Variants in DNAI7 observed in about 807,000 individuals in gnomAD.
DNAI7 encodes the protein cancer susceptibility 1.
Under a neutral mutation model 86.6 loss-of-function variants are expected in DNAI7, and 78 were observed. The observed-to-expected ratio is 0.90, with a 90% CI of 0.75 to 1.09. DNAI7 has a LOEUF of 1.09. Among genes scored for constraint, DNAI7 ranks in the 50% least tolerant of loss-of-function variants. The probability of loss-of-function intolerance (pLI) is 0.00; values close to 1 mark genes in which losing one functional copy is unlikely to be tolerated. For synonymous variants in DNAI7, 274 were observed against 273.0 expected, an observed-to-expected ratio of 1.00 and a Z score of -0.04; for missense variants, 753 against 810.2, an observed-to-expected ratio of 0.93 and a Z score of 0.86.
intron 2 of DNAI7, among the ~76,000 whole-genome samples, chr12:25,185,108 A>C (rs1303977903): frequency 6.6e-6 from 1 of 152,194 alleles, no homozygotes; most frequent in African/African-American, 2.4e-5. Context: ...ACTGTACTCC[A>C]GCCTGGGTGA....
intron 6 of DNAI7, among the ~76,000 whole-genome samples, chr12:25,153,576 T>C (rs1392974926): frequency 6.6e-6 from 1 of 152,218 alleles, no homozygotes; most frequent in African/African-American, 2.4e-5. Flanking sequence ...CTCCCAGCCA[T>C]ACAGGAGTCT....
At chr12:25,187,289 C>T (rs1950118631) in intron 2 of DNAI7, among the ~76,000 whole-genome samples, 1 of 152,124 alleles carries the variant, frequency 6.6e-6, no homozygotes, top group South Asian at 2.1e-4. Context: ...TATACTCATT[C>T]CCCCAGGTAA....
chr12:25,124,683 G>A (rs1941854549), intron 9 of DNAI7, among the ~76,000 whole-genome samples: 1 of 152,082 alleles, frequency 6.6e-6, no homozygotes, highest in South Asian at 2.1e-4. Flanking sequence ...GCAAACTCAG[G>A]TCACAGGGGT....
intron 6 of DNAI7, among the ~76,000 whole-genome samples, chr12:25,153,956 A>G (rs1014457968): frequency 6.6e-6 from 1 of 152,184 alleles, no homozygotes; most frequent in Non-Finnish European, 1.5e-5. Context: ...CCTGGCACCT[A>G]GTAAACATGA....
chr12:25,134,698 C>G (rs1943338351), intron 9 of DNAI7, among the ~76,000 whole-genome samples: 3 of 152,068 alleles, frequency 2.0e-5, no homozygotes, highest in Non-Finnish European at 4.4e-5. Context: ...TCATCATTTG[C>G]ATATCTTTAT....
At chr12:25,107,834 C>T (rs1949311262), downstream of DNAI7, 2 of 1,613,504 alleles carry the variant, frequency 1.2e-6, no homozygotes, top group Non-Finnish European at 1.7e-6. Flanking sequence ...ACAATAGCTT[C>T]CTGGGCAACA....
chr12:25,186,992 TC>T (rs972964628), intron 2 of DNAI7, among the ~76,000 whole-genome samples: 2 of 152,154 alleles, frequency 1.3e-5, no homozygotes, highest in African/African-American at 4.8e-5. Flanking sequence ...TACCCTTGTG[TC>T]CCCCTACAGT....
chr12:25,110,138 C>G lies in DNAI7; in HGVS notation c.1882G>C (p.Val628Leu), dbSNP rs1949689583. ...TCTACATATCATACCTTAAATACGA[C>G]TTTTGTAGAATTACATAGTAGGTTC... The part of the protein sequence containing the change: ...KWNLLCNSTK[V>L]VFKVREHLTE... Residue 628 changes from valine to leucine, a missense_variant, in exon 15 of 16, where the codon GTC (valine) becomes CTC (leucine). Transcript: ENST00000395987. 1.3e-6 allele frequency: 2 copies of G among 1,583,190 alleles called. No individual in the cohort carries two copies. The highest frequency in any genetic ancestry group is 1.7e-6 in the Non-Finnish European group (2 of 1,152,410).
chr12:25,177,327 C>A (rs1949068948), intron 2 of DNAI7, among the ~76,000 whole-genome samples: 1 of 152,176 alleles, frequency 6.6e-6, no homozygotes, highest in South Asian at 2.1e-4. Context: ...TACCATTAAA[C>A]AATAGCTCCC....
chr12:25,112,876 G>C (rs955887908), intron 13 of DNAI7, among the ~76,000 whole-genome samples: 28 of 152,028 alleles, frequency 1.8e-4, no homozygotes, highest in African/African-American at 6.3e-4. Context: ...TGCTAATTTG[G>C]ACTAGTCACA....
intron 1 of DNAI7, 76 bp from the exon 2 acceptor site, chr12:25,190,707 T>C (rs889771160): frequency 3.7e-6 from 3 of 819,914 alleles, no homozygotes; most frequent in Admixed American, 5.5e-5. Flanking sequence ...TTATGTAAGA[T>C]GTTAAAATTA....
At chr12:25,187,604 A>T (rs1488981802) in intron 2 of DNAI7, among the ~76,000 whole-genome samples, 1 of 152,178 alleles carries the variant, frequency 6.6e-6, no homozygotes, top group Non-Finnish European at 1.5e-5. Flanking sequence ...ATATATAAGG[A>T]TCTTCATTCC....
At chr12:25,181,959 A>G (rs1056869407) in intron 2 of DNAI7, among the ~76,000 whole-genome samples, 1 of 152,218 alleles carries the variant, frequency 6.6e-6, no homozygotes, top group Non-Finnish European at 1.5e-5. Context: ...ATGAAGATTT[A>G]TTAAAGAATT....
intron 1 of DNAI7, among the ~76,000 whole-genome samples, chr12:25,194,462 GA>G (rs1049373881): frequency 6.6e-6 from 1 of 152,132 alleles, no homozygotes; most frequent in African/African-American, 2.4e-5. Context: ...TTTAATTATA[GA>G]AAATGTCTTG....
intron 4 of DNAI7, among the ~76,000 whole-genome samples, chr12:25,156,680 G>A (rs1187541896): frequency 6.6e-6 from 1 of 151,954 alleles, no homozygotes; most frequent in African/African-American, 2.4e-5. Flanking sequence ...CGTGGAGGTT[G>A]CAGTGAGCCG....
chr12:25,154,553 A>T, intron 5 of DNAI7, 97 bp from the exon 6 acceptor site: 1 of 1,239,330 alleles, frequency 8.1e-7, no homozygotes, highest in Non-Finnish European at 1.1e-6. Context: ...AACCTAGTTT[A>T]ACCAACTTAG....
chr12:25,150,723 T>C (rs1244231302), intron 6 of DNAI7, among the ~76,000 whole-genome samples: 6 of 152,012 alleles, frequency 3.9e-5, no homozygotes, highest in African/African-American at 1.4e-4. Context: ...GCTCTGAATC[T>C]AATTAAACCC....
intron 6 of DNAI7, 126 bp downstream of exon 6, chr12:25,154,193 C>G: frequency 1.4e-6 from 1 of 704,210 alleles, no homozygotes; most frequent in South Asian, 2.5e-5. Flanking sequence ...TTACCAATTA[C>G]TTCTTTTGCT....
At chr12:25,115,325 C>A (rs1050355064) in intron 12 of DNAI7, among the ~76,000 whole-genome samples, 1 of 152,150 alleles carries the variant, frequency 6.6e-6, no homozygotes, top group African/African-American at 2.4e-5. Flanking sequence ...CTTTAATTTA[C>A]CCAGTTGTGC....
Sources: gnomAD v4.1 joint callset for allele counts (sites outside exome capture counted in the v4.1 genomes callset) on GRCh38, gnomAD v4.1.1 for gene constraint, MANE v1.5 for transcripts, NCBI Gene and HGNC (gene_info 2026-07-23, HGNC 2026-07-21) for gene names.